Variants in LYPD6B observed in about 807,000 individuals in gnomAD.
LYPD6B encodes the protein ly6/PLAUR domain-containing protein 6B.
LYPD6B carries 17 observed loss-of-function variants against 22.8 expected under a neutral mutation model. The observed-to-expected ratio is 0.75, with a 90% CI of 0.51 to 1.12. The LOEUF (loss-of-function observed/expected upper bound fraction) is 1.12. LYPD6B is among the 50% of genes most tolerant of loss of function. LYPD6B has a pLI of 0.00. For synonymous variants in LYPD6B, 106 were observed against 91.6 expected, an observed-to-expected ratio of 1.16 and a Z score of -0.90; for missense variants, 221 against 258.3, an observed-to-expected ratio of 0.86 and a Z score of 0.99.
At chr2:149,195,405 G>A (rs948612476) in intron 3 of LYPD6B, among the ~76,000 whole-genome samples, 5 of 152,188 alleles carry the variant, frequency 3.3e-5, no homozygotes, top group African/African-American at 7.2e-5. Flanking sequence ...ACAATGATAC[G>A]AATGAAAGCA....
intron 1 of LYPD6B, among the ~76,000 whole-genome samples, chr2:149,105,088 C>A (rs974755889): frequency 6.6e-6 from 1 of 152,168 alleles, no homozygotes; most frequent in Non-Finnish European, 1.5e-5. Flanking sequence ...ATTGCTCCAG[C>A]ACCATTGCTG....
At chr2:149,127,005 G>A (rs544055453) in intron 1 of LYPD6B, among the ~76,000 whole-genome samples, 10 of 148,256 alleles carry the variant, frequency 6.7e-5, no homozygotes, top group East Asian at 2.0e-4. Flanking sequence ...GGTTTAATCC[G>A]TCCATTGAGT....
At chr2:149,059,770 G>A (rs6712959) in intron 1 of LYPD6B, among the ~76,000 whole-genome samples, 81,677 of 152,036 alleles carry the variant, frequency 0.54, 23,032 homozygotes, top group Non-Finnish European at 0.61. Context: ...GACAGCCACA[G>A]CCTGGAGTCC....
At chr2:149,205,671 G>T (rs959341540) in intron 4 of LYPD6B, among the ~76,000 whole-genome samples, 3 of 152,124 alleles carry the variant, frequency 2.0e-5, no homozygotes, top group Non-Finnish European at 2.9e-5. Context: ...CCTAATCATG[G>T]CATAGTAGAG....
At chr2:149,164,802 G>C (rs1199770645) in intron 3 of LYPD6B, among the ~76,000 whole-genome samples, 1 of 152,190 alleles carries the variant, frequency 6.6e-6, no homozygotes, top group Non-Finnish European at 1.5e-5. Flanking sequence ...TGGTAAACCT[G>C]CTGGCAAGTG....
At position 149,142,665 on chromosome 2, in the gene LYPD6B, TA is replaced by T. The variant is rs992372872; in HGVS notation, c.5+11722del. Among the ~76,000 whole-genome samples, 32 of 149,146 alleles carry T rather than the reference TA, an allele frequency of 2.1e-4. 1 individual carries two copies. The highest frequency in any genetic ancestry group is 1.7e-3 in the Admixed American group (26 of 14,950). ...ACAACTTTTTCTTATCTCCTGTCTTTAAAAAAAAAAGTTTTAATTTTAGAGA... is the reference window on the plus strand; with the variant it reads ...ACAACTTTTTCTTATCTCCTGTCTTTAAAAAAAAAGTTTTAATTTTAGAGA... On this transcript the variant is annotated intron_variant, in intron 2 of 6. Transcript: ENST00000409642.
chr2:149,097,717 C>T (rs569966670), intron 1 of LYPD6B, among the ~76,000 whole-genome samples: 44 of 152,046 alleles, frequency 2.9e-4, no homozygotes, highest in South Asian at 1.5e-3. Flanking sequence ...TTTTTGGATT[C>T]GATATTATCA....
chr2:149,210,089 G>A (rs1267349796), intron 5 of LYPD6B, among the ~76,000 whole-genome samples: 3 of 152,160 alleles, frequency 2.0e-5, no homozygotes, highest in African/African-American at 7.2e-5. Context: ...CAACCTGGTA[G>A]GCCTTATCTT....
chr2:149,057,420 C>G (rs1244016433), intron 1 of LYPD6B, among the ~76,000 whole-genome samples: 1 of 150,382 alleles, frequency 6.6e-6, no homozygotes, highest in African/African-American at 2.4e-5. Context: ...TGCCTTTTTT[C>G]TTTTGATTAT....
At chr2:149,057,554 G>T (rs1380019162) in intron 1 of LYPD6B, among the ~76,000 whole-genome samples, 1 of 151,992 alleles carries the variant, frequency 6.6e-6, no homozygotes, top group East Asian at 1.9e-4. Flanking sequence ...TGCCTTGTAA[G>T]CGGTTTGTAA....
At chr2:149,202,369 T>C (rs2106126138) in intron 3 of LYPD6B, among the ~76,000 whole-genome samples, 1 of 152,258 alleles carries the variant, frequency 6.6e-6, no homozygotes, top group Middle Eastern at 3.4e-3. Flanking sequence ...ACTGGCTGCT[T>C]TTTTTGAGTT....
At chr2:149,092,999 A>G (rs1223245909) in intron 1 of LYPD6B, among the ~76,000 whole-genome samples, 1 of 152,186 alleles carries the variant, frequency 6.6e-6, no homozygotes, top group African/African-American at 2.4e-5. Context: ...GGGAATAGGC[A>G]ATATCTCTAA....
intron 1 of LYPD6B, among the ~76,000 whole-genome samples, chr2:149,045,424 T>A (rs145890092): frequency 5.3e-5 from 8 of 152,172 alleles, no homozygotes; most frequent in Admixed American, 5.2e-4. Flanking sequence ...TGATTTCTGC[T>A]CTTATTTTAT....
At chr2:149,143,561 A>G (rs1688829448) in intron 2 of LYPD6B, among the ~76,000 whole-genome samples, 1 of 151,816 alleles carries the variant, frequency 6.6e-6, no homozygotes, top group African/African-American at 2.4e-5. Context: ...TAAAACAATG[A>G]CAAGGGAAAT....
intron 1 of LYPD6B, among the ~76,000 whole-genome samples, chr2:149,071,833 A>T (rs947945125): frequency 3.3e-5 from 5 of 152,236 alleles, no homozygotes; most frequent in Non-Finnish European, 5.9e-5. Context: ...CAGATTTTAA[A>T]GATTGGGAGG....
chr2:149,081,221 C>G (rs573610316), intron 1 of LYPD6B, among the ~76,000 whole-genome samples: 4 of 152,206 alleles, frequency 2.6e-5, no homozygotes, highest in African/African-American at 9.6e-5. Context: ...GTTGCTAATG[C>G]CTGCAGGGTT....
chr2:149,120,390 T>A lies in LYPD6B; in HGVS notation c.-66-10493T>A, dbSNP rs1426170298. ...ATATATATATATATATATATTTTTT[T>A]TTTTTTTTTTTTGAGATGGAGTCTT... is the stretch of plus-strand genomic sequence containing the variant. On this transcript the variant is annotated intron_variant, in intron 1 of 6. Transcript: ENST00000409642. Among the ~76,000 whole-genome samples the A allele has an allele frequency of 1.5e-3, 140 of 95,578 alleles. 5 individuals are homozygous for A. The highest frequency in any genetic ancestry group is 7.0e-3 in the South Asian group (19 of 2,704). The allele number at this position is 95,578 out of a possible 152,430, so 62.7% of individuals were successfully genotyped here. A position where few individuals can be genotyped will look rare whatever the true frequency, so the allele number is the denominator to read the frequency against.
chr2:149,185,539 C>A (rs942588575), intron 3 of LYPD6B, among the ~76,000 whole-genome samples: 1 of 152,152 alleles, frequency 6.6e-6, no homozygotes, highest in African/African-American at 2.4e-5. Context: ...AAAAGGAATT[C>A]CAATTGATTC....
chr2:149,173,048 A>G (rs1690961072), intron 3 of LYPD6B, among the ~76,000 whole-genome samples: 1 of 151,812 alleles, frequency 6.6e-6, no homozygotes, highest in South Asian at 2.1e-4. Flanking sequence ...TCACATATTT[A>G]TATATATGTT....
Sources: allele counts gnomAD v4.1 joint callset (sites outside exome capture counted in the v4.1 genomes callset), GRCh38; gene constraint gnomAD v4.1.1; transcripts MANE v1.5; gene names NCBI Gene and HGNC (gene_info 2026-07-23, HGNC 2026-07-21).